The following REDIC1 variants were observed in gnomAD, a reference collection of about 807,000 sequenced individuals.
REDIC1 encodes regulator of DNA class I crossover intermediates 1, also known as HEI10 Interacting Protein 1.
chr12:39,684,649 G>C, the REDIC1 span, among the ~76,000 whole-genome samples: 8,261 of 152,168 alleles, frequency 0.054, 259 homozygotes, highest in Middle Eastern at 0.092. Context: ...CTGACTGCAG[G>C]TCCAGATTAC....
the REDIC1 span, among the ~76,000 whole-genome samples, chr12:39,793,199 C>T: frequency 5.1e-4 from 77 of 152,150 alleles, no homozygotes; most frequent in African/African-American, 1.7e-3. Context: ...ATATATACTA[C>T]AATCATTGGA....
At chr12:39,675,761 G>A in the REDIC1 span, among the ~76,000 whole-genome samples, 8 of 152,198 alleles carry the variant, frequency 5.3e-5, no homozygotes, top group Non-Finnish European at 1.0e-4. Context: ...GAGACCTGAA[G>A]ATGGATCACC....
chr12:39,803,450 G>C, the REDIC1 span, among the ~76,000 whole-genome samples: 3 of 151,866 alleles, frequency 2.0e-5, no homozygotes, highest in Non-Finnish European at 4.4e-5. Context: ...ATAAGCATGA[G>C]TATAATTATT....
the REDIC1 span, chr12:39,721,002 G>T: frequency 6.2e-7 from 1 of 1,613,772 alleles, no homozygotes; most frequent in Non-Finnish European, 8.5e-7. Flanking sequence ...CACAGTTGCA[G>T]TGCAATTCAG....
the REDIC1 span, among the ~76,000 whole-genome samples, chr12:39,744,407 C>T: frequency 6.6e-6 from 1 of 151,980 alleles, no homozygotes; most frequent in Non-Finnish European, 1.5e-5. Context: ...ATGGAATAAG[C>T]GAAGATAAGT....
chr12:39,645,321 G>A, the REDIC1 span, among the ~76,000 whole-genome samples: 1 of 151,992 alleles, frequency 6.6e-6, no homozygotes, highest in South Asian at 2.1e-4. Flanking sequence ...AAAACAGAAA[G>A]CAAGCTTTAC....
the REDIC1 span, among the ~76,000 whole-genome samples, chr12:39,896,570 A>G: frequency 8.7e-6 from 1 of 114,980 alleles, no homozygotes; most frequent in African/African-American, 3.2e-5. Context: ...ACATATATGT[A>G]TGTATGTGTG....
chr12:39,802,736 G>A, the REDIC1 span, among the ~76,000 whole-genome samples: 1 of 152,034 alleles, frequency 6.6e-6, no homozygotes, highest in African/African-American at 2.4e-5. Flanking sequence ...AAGATACAGA[G>A]ATAAAGATAG....
At chr12:39,763,626 T>G in the REDIC1 span, among the ~76,000 whole-genome samples, 1 of 151,958 alleles carries the variant, frequency 6.6e-6, no homozygotes, top group Admixed American at 6.6e-5. Context: ...GTAAAGAGAT[T>G]GCGGGGAGAT....
chr12:39,777,986 A>T, the REDIC1 span, among the ~76,000 whole-genome samples: 1 of 152,188 alleles, frequency 6.6e-6, no homozygotes, highest in East Asian at 1.9e-4. Context: ...CTAAACTAAA[A>T]GAGCACCCTG....
chr12:39,787,986 G>T, the REDIC1 span, among the ~76,000 whole-genome samples: 1 of 152,046 alleles, frequency 6.6e-6, no homozygotes, highest in East Asian at 1.9e-4. Flanking sequence ...TAGAAATTTG[G>T]CCAAGGAATG....
At chr12:39,870,092 T>A in the REDIC1 span, among the ~76,000 whole-genome samples, 1 of 152,174 alleles carries the variant, frequency 6.6e-6, no homozygotes, top group Admixed American at 6.5e-5. Context: ...TTTACTGGAA[T>A]ACCAAATGAA....
chr12:39,665,168 A>G, the REDIC1 span, among the ~76,000 whole-genome samples: 1 of 151,960 alleles, frequency 6.6e-6, no homozygotes, highest in Non-Finnish European at 1.5e-5. Flanking sequence ...CCTGAATGGT[A>G]TTGCCTAGGT....
the REDIC1 span, among the ~76,000 whole-genome samples, chr12:39,896,398 A>C: frequency 7.4e-6 from 1 of 135,258 alleles, no homozygotes; most frequent in Non-Finnish European, 1.6e-5. Flanking sequence ...ATGTGTATAT[A>C]TGTATACATA....
chr12:39,756,323 C>G, the REDIC1 span: 2 of 151,788 alleles, frequency 1.3e-5, no homozygotes, highest in East Asian at 3.8e-4. Context: ...CTCATAGATA[C>G]TGAAAAGGTC....
At chr12:39,870,674 T>A in the REDIC1 span, among the ~76,000 whole-genome samples, 1 of 152,200 alleles carries the variant, frequency 6.6e-6, no homozygotes, top group African/African-American at 2.4e-5. Context: ...TCCTGGCTGT[T>A]GGCAATCATG....
the REDIC1 span, among the ~76,000 whole-genome samples, chr12:39,838,310 G>A: frequency 3.0e-4 from 42 of 138,786 alleles, no homozygotes; most frequent in African/African-American, 1.1e-3. Context: ...ATGGACACAG[G>A]AAGGGGAATA....
At chr12:39,635,730 C>T in the REDIC1 span, among the ~76,000 whole-genome samples, 4 of 151,986 alleles carry the variant, frequency 2.6e-5, no homozygotes, top group African/African-American at 7.2e-5. Flanking sequence ...CAACATGGCA[C>T]GTGTATAGCT....
chr12:39,730,631 G>A, the REDIC1 span, among the ~76,000 whole-genome samples: 4 of 152,042 alleles, frequency 2.6e-5, no homozygotes, highest in African/African-American at 4.8e-5. Flanking sequence ...TGACGACTAC[G>A]TGTCTTGGGG....
Sources: allele counts gnomAD v4.1 joint callset (sites outside exome capture counted in the v4.1 genomes callset), GRCh38; gene constraint gnomAD v4.1.1; transcripts MANE v1.5; gene names NCBI Gene and HGNC (gene_info 2026-07-23, HGNC 2026-07-21).